Variants in DMD observed in about 807,000 individuals in gnomAD.
The protein encoded by DMD is dystrophin, also known as mutant dystrophin.
A neutral mutation model predicts 330.1 loss-of-function variants in DMD; 63 were observed. That is an observed-to-expected ratio of 0.19 (90% CI 0.16 to 0.24). DMD has a LOEUF of 0.24. Among genes scored for constraint, DMD ranks in the 10% least tolerant of loss-of-function variants. The pLI is 1.00. For missense variants in DMD, 3,344 were observed against 2,684.1 expected, an observed-to-expected ratio of 1.25 and a Z score of -5.43; for synonymous variants, 1,223 against 959.8, an observed-to-expected ratio of 1.27 and a Z score of -5.07.
chrX:32,879,018 C>CAAAAAAAAAAAAAAAAAAAAAAAAAA (rs1201402428), intron 2 of DMD, among the ~76,000 whole-genome samples: 1 of 95,332 alleles, frequency 1.0e-5, no homozygotes. Flanking sequence ...AAAAAAAAAA[C>CAAAAAAAAAAAAAAAAAAAAAAAAAA]AAAAAACAAA....
intron 41 of DMD, among the ~76,000 whole-genome samples, chrX:32,330,290 C>A (rs918561761): frequency 8.9e-6 from 1 of 112,043 alleles, no homozygotes; most frequent in African/African-American, 3.2e-5. Context: ...AGATAACTTA[C>A]CAACTTGAAA....
chrX:31,822,175 G>A lies in DMD; in HGVS notation c.7201-2092C>T, dbSNP rs186162926. On this transcript the variant is annotated intron_variant, in intron 49 of 78. Coordinates refer to ENST00000357033, the MANE Select transcript of DMD (RefSeq NM_004006.3). Reference sequence around the variant, plus strand: ...AATGATTTCAACAAGACACCTCGGGGGAACAGCTTAACTCAGCCTGGAGAG... The same window carrying A: ...AATGATTTCAACAAGACACCTCGGGAGAACAGCTTAACTCAGCCTGGAGAG... Among the ~76,000 whole-genome samples the A allele has an allele frequency of 2.2e-3, 242 of 111,623 alleles. 3 individuals are homozygous for A. Among genetic ancestry groups the A allele is most frequent in the Non-Finnish European group, 6.4e-4 (34 of 53,139 alleles).
chrX:32,853,469 TTTAA>T (rs1464246264), intron 2 of DMD, among the ~76,000 whole-genome samples: 1 of 111,626 alleles, frequency 9.0e-6, no homozygotes, highest in Admixed American at 9.6e-5. Flanking sequence ...AGTTTGAGTT[TTTAA>T]TTAGTTTTCT....
chrX:31,477,059 G>A, intron 59 of DMD, among the ~76,000 whole-genome samples: 1 of 111,820 alleles, frequency 8.9e-6, no homozygotes, highest in Non-Finnish European at 1.9e-5. Flanking sequence ...TGGAAAACAG[G>A]AGAACAAATG....
chrX:31,311,272 C>G (rs775070041), intron 62 of DMD, among the ~76,000 whole-genome samples: 7 of 110,940 alleles, frequency 6.3e-5, no homozygotes, highest in Non-Finnish European at 9.4e-5. Flanking sequence ...GGGGTGGTGT[C>G]AAAATCAAGG....
At chrX:33,009,238 A>T (rs1202652255) in intron 2 of DMD, among the ~76,000 whole-genome samples, 2 of 85,105 alleles carry the variant, frequency 2.4e-5, no homozygotes, top group South Asian at 1.2e-3. Context: ...GTGTATATAT[A>T]CACATGTGCA....
intron 30 of DMD, among the ~76,000 whole-genome samples, chrX:32,394,922 A>AAAACAAAC (rs2098031984): frequency 4.5e-5 from 1 of 22,279 alleles, no homozygotes; most frequent in Non-Finnish European, 9.7e-5. Flanking sequence ...AAAACAAAAA[A>AAAACAAAC]AAAAAAAAAA....
chrX:32,925,103 G>C (rs1201905664), intron 2 of DMD, among the ~76,000 whole-genome samples: 2 of 93,112 alleles, frequency 2.1e-5, no homozygotes, highest in Non-Finnish European at 4.2e-5. Flanking sequence ...CAATGTCATA[G>C]TATTTTTCCA....
At chrX:33,326,918 A>T (rs1603430689) in intron 1 of DMD, among the ~76,000 whole-genome samples, 1 of 111,619 alleles carries the variant, frequency 9.0e-6, no homozygotes, top group East Asian at 2.8e-4. Context: ...AGGAGAAATT[A>T]GTTACATGGC....
chrX:32,559,060 C>G (rs1345138057), intron 16 of DMD, among the ~76,000 whole-genome samples: 2 of 103,318 alleles, frequency 1.9e-5, no homozygotes, highest in Non-Finnish European at 3.9e-5. Flanking sequence ...AAGCAATTCT[C>G]CTGCCTCAGC....
At chrX:31,275,350 A>G (rs573935299) in intron 62 of DMD, among the ~76,000 whole-genome samples, 9 of 111,518 alleles carry the variant, frequency 8.1e-5, no homozygotes, top group African/African-American at 2.6e-4. Context: ...GGAATTCAAA[A>G]ATGTATTTGG....
At chrX:33,245,350 G>A in intron 1 of DMD, among the ~76,000 whole-genome samples, 1 of 110,565 alleles carries the variant, frequency 9.0e-6, no homozygotes, top group East Asian at 2.8e-4. Context: ...GGAGTTAATT[G>A]GAAAGTGAAT....
intron 4 of DMD, among the ~76,000 whole-genome samples, chrX:32,841,795 T>C (rs948451930): frequency 1.1e-4 from 12 of 112,008 alleles, no homozygotes; most frequent in African/African-American, 3.9e-4. Flanking sequence ...GGCCAGTATT[T>C]CTTCAACAGG....
intron 67 of DMD, among the ~76,000 whole-genome samples, chrX:31,201,959 G>A (rs770381205): frequency 2.7e-5 from 3 of 111,634 alleles, no homozygotes; most frequent in Non-Finnish European, 5.6e-5. Context: ...TTGGGAGGCC[G>A]AGGCAGGTGG....
At chrX:32,714,413 T>G (rs749667505) in intron 7 of DMD, among the ~76,000 whole-genome samples, 1 of 111,885 alleles carries the variant, frequency 8.9e-6, no homozygotes, top group Admixed American at 9.5e-5. Flanking sequence ...TATAGGAAAA[T>G]ACAGTATTTG....
intron 2 of DMD, among the ~76,000 whole-genome samples, chrX:32,978,340 C>A (rs780045193): frequency 1.8e-5 from 2 of 112,586 alleles, no homozygotes; most frequent in African/African-American, 6.4e-5. Flanking sequence ...AATGCCTTAT[C>A]TTTTCAGATT....
chrX:33,147,205 A>C (rs751798215), intron 1 of DMD, among the ~76,000 whole-genome samples: 3 of 112,016 alleles, frequency 2.7e-5, no homozygotes, highest in South Asian at 3.7e-4. Context: ...CTGTGGTCTC[A>C]CATACAAACC....
At chrX:31,866,374 C>T (rs1413788956) in intron 48 of DMD, among the ~76,000 whole-genome samples, 1 of 111,611 alleles carries the variant, frequency 9.0e-6, no homozygotes, top group South Asian at 3.7e-4. Flanking sequence ...GACTGGATAC[C>T]GTGTACGTTC....
intron 17 of DMD, among the ~76,000 whole-genome samples, chrX:32,520,966 C>T (rs1277980815): frequency 9.1e-6 from 1 of 109,798 alleles, no homozygotes; most frequent in Non-Finnish European, 1.9e-5. Context: ...TTGTTCCCTA[C>T]CTTACAGAAA....
Sources: allele counts gnomAD v4.1 joint callset (sites outside exome capture counted in the v4.1 genomes callset), GRCh38; gene constraint gnomAD v4.1.1; transcripts MANE v1.5; gene names NCBI Gene and HGNC (gene_info 2026-07-23, HGNC 2026-07-21).